Variants in PCDH15 observed in about 807,000 individuals in gnomAD.
The protein encoded by PCDH15 is protocadherin related 15.
Under a neutral mutation model 178.5 loss-of-function variants are expected in PCDH15, and 129 were observed. That is an observed-to-expected ratio of 0.72 (90% confidence interval 0.63 to 0.84). PCDH15 has a LOEUF of 0.84. Among genes scored for constraint, PCDH15 ranks in the 40% least tolerant of loss-of-function variants. The pLI is 0.00. For missense variants in PCDH15, 2,230 were observed against 2,099.9 expected (o/e 1.06, Z -1.21); for synonymous variants, 800 against 732.0 (o/e 1.09, Z -1.50).
chr10:53,850,915 A>AGGT (rs1305286295), intron 28 of PCDH15, among the ~76,000 whole-genome samples: 2 of 152,146 alleles, frequency 1.3e-5, no homozygotes, highest in Non-Finnish European at 1.5e-5. Flanking sequence ...GAAACTCTTA[A>AGGT]GGTATCTAGT....
intron 16 of PCDH15, among the ~76,000 whole-genome samples, chr10:54,082,053 C>G (rs1284515190): frequency 6.6e-6 from 1 of 152,184 alleles, no homozygotes; most frequent in Non-Finnish European, 1.5e-5. Context: ...TACCATCTCA[C>G]TGGCTCAGAG....
At chr10:54,833,129 C>A (rs552818139) in intron 3 of PCDH15, among the ~76,000 whole-genome samples, 1 of 152,248 alleles carries the variant, frequency 6.6e-6, no homozygotes, top group East Asian at 1.9e-4. Flanking sequence ...ATTCACCTAA[C>A]AATACCATGA....
chr10:54,726,421 T>TGGGTGTGG (rs1157086165), intron 1 of PCDH15, among the ~76,000 whole-genome samples: 1 of 6,226 alleles, frequency 1.6e-4, no homozygotes, highest in African/African-American at 4.9e-4. Flanking sequence ...CCATCAGGGG[T>TGGGTGTGG]GTGTGTGTGT....
intron 3 of PCDH15, among the ~76,000 whole-genome samples, chr10:54,454,322 T>G: frequency 6.7e-6 from 1 of 149,366 alleles, no homozygotes; most frequent in African/African-American, 2.4e-5. Context: ...AGAATTTCAT[T>G]TATAGATTAT....
intron 1 of PCDH15, among the ~76,000 whole-genome samples, chr10:55,194,587 C>T (rs907639544): frequency 4.6e-5 from 7 of 152,008 alleles, no homozygotes; most frequent in African/African-American, 1.7e-4. Context: ...AGCAAGGATA[C>T]TTGCTCTTTC....
chr10:54,835,932 T>G (rs1953308447), intron 3 of PCDH15, among the ~76,000 whole-genome samples: 1 of 152,146 alleles, frequency 6.6e-6, no homozygotes, highest in East Asian at 1.9e-4. Context: ...CAAAATTAAA[T>G]GCAAACATTC....
chr10:54,707,035 G>A (rs181757697), intron 1 of PCDH15, among the ~76,000 whole-genome samples: 12 of 152,248 alleles, frequency 7.9e-5, no homozygotes, highest in African/African-American at 1.7e-4. Flanking sequence ...TTCTAATAGG[G>A]TTTACACATG....
In PCDH15 at chr10:54,870,133, A is replaced by G. The variant is rs1287528694; in HGVS notation, c.-29+27317T>C. 3.9e-5 allele frequency among the ~76,000 whole-genome samples: 6 copies of G among 152,244 alleles called. No homozygotes were observed. In the East Asian group the frequency reaches 9.6e-4, roughly 24 times the overall value. ...ATAGTTGATTTCCATTAAGTTGTCA[A>G]ACAGGCAAGAAGATCTAAGGAAAAT... On this transcript the variant is annotated intron_variant, in intron 3 of 5. Coordinates refer to the PCDH15 transcript ENST00000458638.
chr10:53,944,990 A>G (rs1399560314), intron 23 of PCDH15, among the ~76,000 whole-genome samples: 1 of 152,216 alleles, frequency 6.6e-6, no homozygotes, highest in Non-Finnish European at 1.5e-5. Context: ...TTTAAACAAA[A>G]TCTACAGGCT....
At chr10:55,332,039 T>G (rs1427198165) in intron 2 of PCDH15, among the ~76,000 whole-genome samples, 1 of 152,134 alleles carries the variant, frequency 6.6e-6, no homozygotes, top group Non-Finnish European at 1.5e-5. Context: ...TTAAAAAGTT[T>G]GACATAAAAG....
chr10:53,842,639 T>C (rs1383704670), intron 28 of PCDH15, among the ~76,000 whole-genome samples: 6 of 152,210 alleles, frequency 3.9e-5, no homozygotes, highest in Admixed American at 2.6e-4. Flanking sequence ...TCCTAGCACA[T>C]AGTAACTATT....
intron 2 of PCDH15, among the ~76,000 whole-genome samples, chr10:55,454,282 G>GT (rs909724734): frequency 2.0e-5 from 3 of 151,990 alleles, no homozygotes; most frequent in Non-Finnish European, 2.9e-5. Context: ...TAGCAAAGTT[G>GT]TTTTTTTCTT....
chr10:54,445,805 A>C (rs1346089049), intron 3 of PCDH15, among the ~76,000 whole-genome samples: 1 of 151,352 alleles, frequency 6.6e-6, no homozygotes, highest in Non-Finnish European at 1.5e-5. Context: ...ATTTTATTTG[A>C]CTTTATTTGT....
At chr10:54,514,940 T>TAAACAA (rs1429660305) in intron 3 of PCDH15, among the ~76,000 whole-genome samples, 1 of 152,204 alleles carries the variant, frequency 6.6e-6, no homozygotes, top group Admixed American at 6.5e-5. Flanking sequence ...GACTGATTGT[T>TAAACAA]TCTAAGATTT....
intron 13 of PCDH15, among the ~76,000 whole-genome samples, chr10:54,177,832 G>C (rs566195274): frequency 2.0e-5 from 3 of 152,224 alleles, no homozygotes; most frequent in East Asian, 3.9e-4. Context: ...TTAAAATAAA[G>C]ATAATTGATT....
intron 18 of PCDH15, among the ~76,000 whole-genome samples, chr10:54,038,602 G>A (rs1003352606): frequency 6.6e-5 from 10 of 151,832 alleles, no homozygotes; most frequent in Non-Finnish European, 1.5e-4. Flanking sequence ...CACTGAAATG[G>A]GTGTGACTAT....
intron 2 of PCDH15, among the ~76,000 whole-genome samples, chr10:54,569,068 C>A (rs9633606): frequency 0.94 from 142,100 of 151,752 alleles, 66,801 homozygotes; most frequent in Middle Eastern, 0.98. Context: ...TTTTCAGAGA[C>A]CATAGAATTT....
chr10:55,239,008 C>A (rs1318747115), intron 1 of PCDH15, among the ~76,000 whole-genome samples: 2 of 152,074 alleles, frequency 1.3e-5, no homozygotes, highest in Admixed American at 1.3e-4. Flanking sequence ...TCCCCACTAC[C>A]CTTCCTAGCC....
intron 2 of PCDH15, among the ~76,000 whole-genome samples, chr10:54,607,688 G>T (rs977774520): frequency 1.3e-5 from 2 of 151,812 alleles, no homozygotes; most frequent in African/African-American, 4.8e-5. Context: ...GGGTAATGGA[G>T]ATTTTAAAAT....
Sources: gnomAD v4.1 joint callset for allele counts (sites outside exome capture counted in the v4.1 genomes callset) on GRCh38, gnomAD v4.1.1 for gene constraint, MANE v1.5 for transcripts, NCBI Gene and HGNC (gene_info 2026-07-23, HGNC 2026-07-21) for gene names.